EPHA4: variants seen among roughly 807,000 people sequenced by gnomAD.
The protein encoded by EPHA4 is ephrin type-A receptor 4.
EPHA4 carries 19 observed loss-of-function variants against 108.3 expected under a neutral mutation model. The ratio of observed to expected loss-of-function variants is 0.18; its 90% CI spans 0.12 to 0.26. The LOEUF (loss-of-function observed/expected upper bound fraction) is 0.26. Ranked by LOEUF, EPHA4 falls within the 10% of genes least tolerant of loss-of-function variation. The pLI is 1.00. For missense variants in EPHA4, 917 were observed against 1,254.0 expected, an observed-to-expected ratio of 0.73 and a Z score of 4.06; for synonymous variants, 449 against 455.5, an observed-to-expected ratio of 0.99 and a Z score of 0.18.
In EPHA4 at chr2:221,456,636, G is replaced by A; in HGVS notation, c.1580C>T (p.Pro527Leu). 1.2e-6 allele frequency: 2 copies of A among 1,613,782 alleles called. No individual in the cohort carries two copies. The highest frequency in any genetic ancestry group is 1.7e-6 in the Non-Finnish European group (2 of 1,179,816). ...TAAGYGDFSE[P>L]LEVTTNTVPS... Reference sequence around the variant, plus strand: ...ACCTGTGTTGGTTGTAACCTCCAAGGGCTCACTGAAGTCTCCATAGCCAGC... The same window carrying A: ...ACCTGTGTTGGTTGTAACCTCCAAGAGCTCACTGAAGTCTCCATAGCCAGC... The change falls in exon 7 of 18, where the codon CCC becomes CTC. Residue 527 changes from proline (P) to leucine (L), a missense_variant. By Grantham distance (98) the Pro-to-Leu change is moderately conservative. Transcript: ENST00000281821.
chr2:221,572,082 C>G, intron 1 of EPHA4, 76 bp downstream of exon 1: 1 of 1,236,796 alleles, frequency 8.1e-7, no homozygotes, highest in African/African-American at 1.5e-5. Flanking sequence ...ACCACCTGGC[C>G]CTGCGCTCCT....
chr2:221,539,967 G>C (rs1263352831), intron 3 of EPHA4, among the ~76,000 whole-genome samples: 2 of 151,992 alleles, frequency 1.3e-5, no homozygotes, highest in African/African-American at 2.4e-5. Flanking sequence ...GCCCAGGCTG[G>C]AGTGCAATAT....
rs2106087692 is a variant in EPHA4, at chr2:221,425,397, G to T, written c.*631C>A. ...GTCCAGTTAGGGGTTATGGGGCTTG[G>T]GTTACGTATATATATATTTTAAATC... On this transcript the variant is annotated 3_prime_UTR_variant, in exon 17 of 18. Coordinates refer to ENST00000281821, the MANE Select transcript of EPHA4 (RefSeq NM_004438.5). 6.5e-6 allele frequency: 1 copy of T among 152,810 alleles called. No homozygotes were observed. The highest frequency in any genetic ancestry group is 2.4e-5 in the African/African-American group (1 of 41,546). The allele number at this position is 152,810 out of a possible 1,614,324, so 9.5% of individuals were successfully genotyped here. A position where few individuals can be genotyped will look rare whatever the true frequency, so the allele number is the denominator to read the frequency against.
rs1690494593 is a variant in EPHA4 at position 221,443,515 on chromosome 2, C to T, written c.1866G>A (p.Lys622=). ...FAKEIDASCI[K]IEKVIGVGEF... is the part of the protein sequence containing the mutation. Reference sequence around the variant, plus strand: ...TACCAACTCCTATAACTTTTTCAATCTTAATGCAGGATGCGTCAATTTCTT... The same window carrying T: ...TACCAACTCCTATAACTTTTTCAATTTTAATGCAGGATGCGTCAATTTCTT... Residue 622 remains lysine, a synonymous_variant, in exon 10 of 18, where the codon AAG becomes AAA. Transcript: ENST00000281821. 20 of 1,613,862 alleles carry T rather than the reference C, an allele frequency of 1.2e-5. No homozygotes were observed. Among genetic ancestry groups the T allele is most frequent in the Non-Finnish European group, 1.5e-5 (18 of 1,179,894 alleles).
chr2:221,464,263 T>C (rs1161036845), intron 5 of EPHA4, among the ~76,000 whole-genome samples: 1 of 152,204 alleles, frequency 6.6e-6, no homozygotes, highest in Non-Finnish European at 1.5e-5. Context: ...TTAATGCAAA[T>C]AGCATATTTA....
At chr2:221,493,243 T>A (rs1280982703) in intron 4 of EPHA4, among the ~76,000 whole-genome samples, 1 of 152,090 alleles carries the variant, frequency 6.6e-6, no homozygotes, top group East Asian at 1.9e-4. Flanking sequence ...TAAAAAAATA[T>A]ATAGTTTACT....
At chr2:221,439,126 A>T (rs1414528037) in intron 11 of EPHA4, among the ~76,000 whole-genome samples, 1 of 152,190 alleles carries the variant, frequency 6.6e-6, no homozygotes, top group South Asian at 2.1e-4. Flanking sequence ...AAATGGTACC[A>T]TGGACATTTT....
intron 11 of EPHA4, among the ~76,000 whole-genome samples, chr2:221,441,524 T>C (rs1043999528): frequency 3.3e-5 from 5 of 152,108 alleles, no homozygotes; most frequent in African/African-American, 7.2e-5. Flanking sequence ...TTCAAGTCCA[T>C]GTGACCTGAT....
chr2:221,492,220 G>T lies in EPHA4; in HGVS notation c.979+8797C>A, dbSNP rs141445883. On this transcript the variant is annotated intron_variant, in intron 4 of 17. Coordinates refer to ENST00000281821, the MANE Select transcript of EPHA4 (RefSeq NM_004438.5). Reference sequence around the variant, plus strand: ...AAAATTGTAATAACCTGGCTAAATGGCATTGGCAGATTATTCAAGCCTTCC... The same window carrying T: ...AAAATTGTAATAACCTGGCTAAATGTCATTGGCAGATTATTCAAGCCTTCC... Among the ~76,000 whole-genome samples the T allele has an allele frequency of 1.7e-3, 256 of 152,212 alleles. 2 individuals carry two copies. Among genetic ancestry groups the T allele is most frequent in the Non-Finnish European group, 3.0e-3 (205 of 68,004 alleles).
At chr2:221,466,262 G>A (rs1478524191) in intron 5 of EPHA4, among the ~76,000 whole-genome samples, 2 of 152,210 alleles carry the variant, frequency 1.3e-5, no homozygotes, top group Non-Finnish European at 2.9e-5. Flanking sequence ...GTTTGGTTGA[G>A]TTTTCTTTGT....
At chr2:221,563,395 A>C (rs1694524427) in intron 3 of EPHA4, among the ~76,000 whole-genome samples, 1 of 152,196 alleles carries the variant, frequency 6.6e-6, no homozygotes, top group South Asian at 2.1e-4. Flanking sequence ...ATGGCTCAAA[A>C]ATGTGTCCGC....
intron 6 of EPHA4, among the ~76,000 whole-genome samples, chr2:221,456,974 A>AG (rs1387753261): frequency 6.6e-6 from 1 of 152,188 alleles, no homozygotes; most frequent in Non-Finnish European, 1.5e-5. Flanking sequence ...ATGCAAATTC[A>AG]GGTATGATTG....
Position 221,563,846 on chromosome 2 carries a change from G to A in EPHA4, c.708C>T (p.Asn236=), listed in dbSNP as rs770569782. The change falls in exon 3 of 18, where the codon AAC becomes AAT. Residue 236 remains asparagine, a synonymous_variant. Transcript: ENST00000281821. ...TTTTTGGCACATCTTTCTCTTCTGA[G>A]TTGTTGACACAGGAGCCTCGAACTT... is the stretch of plus-strand genomic sequence containing the variant. ...LVEVRGSCVN[N]SEEKDVPKMY... 1.2e-5 allele frequency: 19 copies of A among 1,614,048 alleles called. No homozygotes were observed. The highest frequency in any genetic ancestry group is 1.6e-5 in the Non-Finnish European group (19 of 1,180,050).
chr2:221,570,639 G>T (rs1178658464), intron 1 of EPHA4, among the ~76,000 whole-genome samples: 1 of 152,212 alleles, frequency 6.6e-6, no homozygotes, highest in Non-Finnish European at 1.5e-5. Context: ...TCCGGGTACC[G>T]GCTGCCCAGC....
chr2:221,447,131 C>G (rs1690617288), intron 8 of EPHA4, among the ~76,000 whole-genome samples: 1 of 152,094 alleles, frequency 6.6e-6, no homozygotes, highest in Non-Finnish European at 1.5e-5. Flanking sequence ...ATCAGAAAGT[C>G]AACTCCGTTG....
intron 8 of EPHA4, among the ~76,000 whole-genome samples, chr2:221,452,202 G>C (rs1690808022): frequency 6.6e-6 from 1 of 152,200 alleles, no homozygotes; most frequent in Non-Finnish European, 1.5e-5. Flanking sequence ...CCCCATAAGG[G>C]ATCTATCTGT....
Position 221,572,269 on chromosome 2 carries a change from G to A in EPHA4, c.-21C>T. 5 of 1,588,618 alleles carry A rather than the reference G, an allele frequency of 3.1e-6. No individual in the cohort carries two copies. The highest frequency in any genetic ancestry group is 4.3e-6 in the Non-Finnish European group (5 of 1,156,850). On this transcript the variant is annotated 5_prime_UTR_variant, in exon 1 of 18. Transcript: ENST00000281821. The stretch of plus-strand genomic sequence containing the variant: ...GCCATGGTTCGCCGGTGCCAACGCT[G>A]CTCCTGCCGCTTCTATCCCAGTGGA...
chr2:221,498,247 C>A (rs1375292782), intron 4 of EPHA4, among the ~76,000 whole-genome samples: 1 of 152,146 alleles, frequency 6.6e-6, no homozygotes, highest in Admixed American at 6.5e-5. Context: ...TCATGACACT[C>A]ATAATACAAT....
chr2:221,521,998 C>A (rs1478372259), intron 3 of EPHA4, among the ~76,000 whole-genome samples: 1 of 151,658 alleles, frequency 6.6e-6, no homozygotes, highest in Non-Finnish European at 1.5e-5. Context: ...AACAAACAAA[C>A]AAAAAAACAA....
Sources: allele counts gnomAD v4.1 joint callset (sites outside exome capture counted in the v4.1 genomes callset), GRCh38; gene constraint gnomAD v4.1.1; transcripts MANE v1.5; gene names NCBI Gene and HGNC (gene_info 2026-07-23, HGNC 2026-07-21).